The following FHIP1A variants were observed in gnomAD, a reference collection of about 807,000 sequenced individuals.
FHIP1A encodes FHF complex subunit HOOK-interacting protein 1A.
FHIP1A carries 61 observed loss-of-function variants against 88.6 expected under a neutral mutation model. The ratio of observed to expected loss-of-function variants is 0.69; its 90% confidence interval spans 0.56 to 0.85. The LOEUF (loss-of-function observed/expected upper bound fraction) is 0.85, where lower values mean the gene tolerates loss of function less well. Ranked by LOEUF, FHIP1A falls within the 40% of genes least tolerant of loss-of-function variation. The pLI, the probability that FHIP1A is intolerant of heterozygous loss-of-function variation, is 0.00. For synonymous variants in FHIP1A, 478 were observed against 496.0 expected (o/e 0.96, Z 0.48); for missense variants, 1,154 against 1,273.5 (o/e 0.91, Z 1.43).
At chr4:151,635,814 G>A (rs1234962532) in intron 8 of FHIP1A, among the ~76,000 whole-genome samples, 1 of 151,980 alleles carries the variant, frequency 6.6e-6, no homozygotes, top group African/African-American at 2.4e-5. Context: ...GCATAACAAT[G>A]TGAATATAGT....
intron 1 of FHIP1A, among the ~76,000 whole-genome samples, chr4:151,452,856 C>T (rs1487875272): frequency 6.6e-6 from 1 of 151,472 alleles, no homozygotes; most frequent in Non-Finnish European, 1.5e-5. Context: ...GTAATGCCAT[C>T]ATCTAGAGGT....
chr4:151,664,020 A>G lies in FHIP1A; in HGVS notation c.*1266A>G, dbSNP rs1419188116. Among the ~76,000 whole-genome samples, 1 of 152,238 alleles carries G rather than the reference A, an allele frequency of 6.6e-6. No individual in the cohort carries two copies. Among genetic ancestry groups the G allele is most frequent in the African/African-American group, 2.4e-5 (1 of 41,480 alleles). On this transcript the variant is annotated 3_prime_UTR_variant, in exon 14 of 14. Transcript: ENST00000435205. ...TAAACCACCACCAAGAGGGGAAAACAGAATAATTGTGAGCTGAAAATGAGA... is the reference window on the plus strand; with the variant it reads ...TAAACCACCACCAAGAGGGGAAAACGGAATAATTGTGAGCTGAAAATGAGA...
At chr4:151,514,987 C>G (rs1451866443) in intron 3 of FHIP1A, among the ~76,000 whole-genome samples, 1 of 152,056 alleles carries the variant, frequency 6.6e-6, no homozygotes, top group Non-Finnish European at 1.5e-5. Context: ...CAAAGCCAGG[C>G]AGAGACACAA....
intron 2 of FHIP1A, among the ~76,000 whole-genome samples, chr4:151,470,502 A>C (rs1322055250): frequency 6.6e-6 from 1 of 152,162 alleles, no homozygotes; most frequent in Non-Finnish European, 1.5e-5. Context: ...GTCAGTAAAA[A>C]AGGTATTAGT....
rs1208081338 is a variant in FHIP1A at position 151,650,354 on chromosome 4, A to G, written c.2313A>G (p.Glu771=). ...ATTCCGGCGCCGAGGGCTTGATGGA[A>G]CAGAATTACCCCACACCTGATCCCT... The part of the protein sequence containing the change: ...ELDSGAEGLM[E]QNYPTPDPLL... Residue 771 remains glutamate, a synonymous_variant, in exon 11 of 14, where the codon GAA becomes GAG. Transcript: ENST00000435205. The G allele has an allele frequency of 1.9e-6, 3 of 1,551,644 alleles. No individual in the cohort carries two copies. In the African/African-American group the frequency reaches 4.1e-5, roughly 21 times the overall value.
intron 5 of FHIP1A, among the ~76,000 whole-genome samples, chr4:151,584,192 C>T (rs1229190801): frequency 6.6e-6 from 1 of 152,112 alleles, no homozygotes; most frequent in Non-Finnish European, 1.5e-5. Context: ...CCTCCTAGGC[C>T]CTCCCATGAC....
In FHIP1A at chr4:151,536,463, C is replaced by G. The variant is rs748511683; in HGVS notation, c.-122-29675C>G. ...CACTTCCCTCCTGCCCTCCCTGCCCCCATTTTCCCATACATCATCCCTAGC... is the reference window on the plus strand; with the variant it reads ...CACTTCCCTCCTGCCCTCCCTGCCCGCATTTTCCCATACATCATCCCTAGC... On this transcript the variant is annotated intron_variant, in intron 3 of 13. Transcript: ENST00000435205. Among the ~76,000 whole-genome samples the G allele has an allele frequency of 1.6e-4, 24 of 152,158 alleles. 1 individual carries two copies. The highest frequency in any genetic ancestry group is 2.8e-4 in the Non-Finnish European group (19 of 68,024).
chr4:151,540,989 G>A (rs934264852), intron 3 of FHIP1A, among the ~76,000 whole-genome samples: 1 of 152,156 alleles, frequency 6.6e-6, no homozygotes, highest in Non-Finnish European at 1.5e-5. Flanking sequence ...TAATATCCTC[G>A]TGCTTTTTGA....
chr4:151,427,521 T>C (rs1190281475), intron 1 of FHIP1A, among the ~76,000 whole-genome samples: 2 of 152,156 alleles, frequency 1.3e-5, no homozygotes, highest in Non-Finnish European at 2.9e-5. Context: ...CAAAAACATG[T>C]GGGCAAGTCA....
chr4:151,449,354 G>A (rs989331212), intron 1 of FHIP1A, among the ~76,000 whole-genome samples: 1 of 152,088 alleles, frequency 6.6e-6, no homozygotes, highest in African/African-American at 2.4e-5. Flanking sequence ...AATTAAGCAA[G>A]TTAGTGAGTG....
chr4:151,410,181 A>T (rs1732558624), intron 1 of FHIP1A, among the ~76,000 whole-genome samples: 1 of 152,204 alleles, frequency 6.6e-6, no homozygotes, highest in South Asian at 2.1e-4. Context: ...TGGGAATCAC[A>T]TGAGCAGGTC....
intron 7 of FHIP1A, among the ~76,000 whole-genome samples, chr4:151,598,837 C>G (rs994050992): frequency 3.9e-5 from 6 of 152,134 alleles, no homozygotes; most frequent in Non-Finnish European, 8.8e-5. Context: ...TGGTTCACAA[C>G]CTAACTTTTG....
chr4:151,543,305 G>GT (rs1191129494), intron 3 of FHIP1A, among the ~76,000 whole-genome samples: 1 of 152,142 alleles, frequency 6.6e-6, no homozygotes, highest in African/African-American at 2.4e-5. Context: ...TAAACATGCT[G>GT]TAAAGTGAAC....
chr4:151,441,417 A>G (rs1728409327), intron 1 of FHIP1A, among the ~76,000 whole-genome samples: 1 of 151,898 alleles, frequency 6.6e-6, no homozygotes, highest in Non-Finnish European at 1.5e-5. Flanking sequence ...AATTATCTTT[A>G]CTTGCAAAAA....
chr4:151,489,881 C>T (rs183586522), intron 3 of FHIP1A, among the ~76,000 whole-genome samples: 23 of 152,228 alleles, frequency 1.5e-4, no homozygotes, highest in Admixed American at 2.6e-4. Flanking sequence ...TTCCTCTCCC[C>T]GCCCTAGTAG....
intron 3 of FHIP1A, among the ~76,000 whole-genome samples, chr4:151,484,481 G>C (rs1444589109): frequency 2.0e-5 from 3 of 152,188 alleles, no homozygotes; most frequent in Non-Finnish European, 4.4e-5. Flanking sequence ...AGAAGGTAGA[G>C]GGAGTAGCTT....
intron 1 of FHIP1A, among the ~76,000 whole-genome samples, chr4:151,413,535 A>G (rs1210273113): frequency 6.6e-6 from 1 of 152,068 alleles, no homozygotes; most frequent in African/African-American, 2.4e-5. Context: ...GCTCACTGCA[A>G]CCTTCGCCTC....
At chr4:151,626,660 A>C (rs1735962755) in intron 7 of FHIP1A, among the ~76,000 whole-genome samples, 1 of 152,218 alleles carries the variant, frequency 6.6e-6, no homozygotes, top group African/African-American at 2.4e-5. Context: ...AATGTCATTT[A>C]CTGTTTCTAT....
rs946926899 is a variant in FHIP1A at position 151,650,315 on chromosome 4, C to G, written c.2274C>G (p.Ile758Met). ...AGCTCATTGCCCAGTATGACCAAAT[C>G]ATTAAAGAGCTGGATTCCGGCGCCG... Reference protein sequence around the residue: ...SEELIAQYDQIIKELDSGAEG... With the variant: ...SEELIAQYDQMIKELDSGAEG... Residue 758 changes from isoleucine to methionine, a missense_variant, in exon 11 of 14, where the codon ATC becomes ATG. By Grantham distance (10) the Ile-to-Met change is conservative. Coordinates refer to ENST00000435205, the MANE Select transcript of FHIP1A (RefSeq NM_001109977.3). 80 of 1,551,698 alleles carry G rather than the reference C, an allele frequency of 5.2e-5. No individual in the cohort carries two copies. The East Asian group carries it at 1.8e-3, about 36-fold the overall frequency.
Sources: allele counts gnomAD v4.1 joint callset (sites outside exome capture counted in the v4.1 genomes callset), GRCh38; gene constraint gnomAD v4.1.1; transcripts MANE v1.5; gene names NCBI Gene and HGNC (gene_info 2026-07-23, HGNC 2026-07-21).